RAP2B: variants seen among roughly 807,000 people sequenced by gnomAD.
RAP2B encodes the protein ras-related protein Rap-2b.
RAP2B carries 6 observed loss-of-function variants against 14.4 expected under a neutral mutation model. That is an observed-to-expected ratio of 0.42 (90% CI 0.23 to 0.82). RAP2B has a LOEUF of 0.82. Among genes scored for constraint, RAP2B ranks in the 40% least tolerant of loss-of-function variants. The probability of loss-of-function intolerance (pLI) is 0.30; values close to 1 mark genes in which losing one functional copy is unlikely to be tolerated. For missense variants in RAP2B, 137 were observed against 248.2 expected (o/e 0.55, Z 3.01); for synonymous variants, 118 against 113.2 (o/e 1.04, Z -0.27).
chr3:153,162,975 G>A lies in RAP2B; in HGVS notation c.282G>A (p.Lys94=). The change falls in exon 1 of 1, where the codon AAG becomes AAA. Residue 94 remains lysine (K), a synonymous_variant. Coordinates refer to ENST00000323534, the MANE Select transcript of RAP2B (RefSeq NM_002886.4). This position sits in a 1 kb window ranked among gnomAD's most constrained non-coding sequence, Gnocchi z 4.9. ...LVNQQSFQDI[K]PMRDQIIRVK... ...ACCAGCAGAGCTTCCAGGACATCAA[G>A]CCCATGCGGGACCAGATCATCCGCG... 8 of 1,614,164 alleles carry A rather than the reference G, an allele frequency of 5.0e-6. No individual in the cohort carries two copies. The highest frequency in any genetic ancestry group is 1.1e-5 in the South Asian group (1 of 91,082).
In RAP2B at chr3:153,162,576, TG is replaced by T; in HGVS notation, c.-115del. ...CTGCGTTCTCTGGGTTGCTCTCTCC[TG>T]GGTTTTTCCTGCGTAGCTGAGGAAG... On this transcript the variant is annotated 5_prime_UTR_variant, in exon 1 of 1. Coordinates refer to ENST00000323534, the MANE Select transcript of RAP2B (RefSeq NM_002886.4). The surrounding 1 kb of genome is among the most constrained non-coding windows in gnomAD (Gnocchi z 4.9). The T allele has an allele frequency of 8.0e-7, 1 of 1,253,618 alleles. No individual in the cohort carries two copies. Among genetic ancestry groups the T allele is most frequent in the Non-Finnish European group, 1.1e-6 (1 of 932,290 alleles). 77.7% of individuals were successfully genotyped at this position (1,253,618 alleles called of 1,614,324 possible). A position where few individuals can be genotyped will look rare whatever the true frequency, so the allele number is the denominator to read the frequency against.
chr3:153,163,081 G>A lies in RAP2B; in HGVS notation c.388G>A (p.Glu130Lys). 6.2e-7 allele frequency: 1 copy of A among 1,613,990 alleles called. No homozygotes were observed. Among genetic ancestry groups the A allele is most frequent in the East Asian group, 2.2e-5 (1 of 44,858 alleles). Reference protein sequence around the residue: ...LEGEREVSYGEGKALAEEWSC... With the variant: ...LEGEREVSYGKGKALAEEWSC... Reference sequence around the variant, plus strand: ...GGGTGAGCGCGAGGTCTCGTACGGGGAGGGCAAGGCCCTGGCTGAGGAGTG... The same window carrying A: ...GGGTGAGCGCGAGGTCTCGTACGGGAAGGGCAAGGCCCTGGCTGAGGAGTG... Residue 130 changes from glutamate to lysine, a missense_variant, in exon 1 of 1, where the codon GAG (glutamate) becomes AAG (lysine). Coordinates refer to ENST00000323534, the MANE Select transcript of RAP2B (RefSeq NM_002886.4).
In RAP2B at chr3:153,163,669, T is replaced by TC. The variant is rs1385135313; in HGVS notation, c.*424_*425insC. ...TTTTTTTTTCTATTTTCTTTCTTTT[T>TC]TTTTTTTTTTTTTTTTGGTCAACAG... On this transcript the variant is annotated 3_prime_UTR_variant, in exon 1 of 1. Transcript: ENST00000323534. 6.5e-6 allele frequency: 1 copy of TC among 154,126 alleles called. No individual in the cohort carries two copies. Among genetic ancestry groups the TC allele is most frequent in the Admixed American group, 6.8e-5 (1 of 14,714 alleles). The allele number at this position is 154,126 out of a possible 1,614,324, so 9.5% of individuals were successfully genotyped here.
In RAP2B at chr3:153,164,321, C is replaced by T. The variant is rs1713508563; in HGVS notation, c.*1076C>T. The stretch of plus-strand genomic sequence containing the variant: ...AAAACTCAGCTGTTCCAGCCGGTGC[C>T]AACCTGTGAACTTCCCACCATATCC... On this transcript the variant is annotated 3_prime_UTR_variant, in exon 1 of 1. Transcript: ENST00000323534. 1 of 167,120 alleles carries T rather than the reference C, an allele frequency of 6.0e-6. No homozygotes were observed. Among genetic ancestry groups the T allele is most frequent in the South Asian group, 2.1e-4 (1 of 4,830 alleles). The allele number at this position is 167,120 out of a possible 1,614,324, so 10.4% of individuals were successfully genotyped here.
chr3:153,162,687 C>G lies in RAP2B; in HGVS notation c.-7C>G, dbSNP rs748639435. 92 of 1,588,680 alleles carry G rather than the reference C, an allele frequency of 5.8e-5. 5 individuals carry two copies. The South Asian group carries it at 9.0e-4, about 16-fold the overall frequency. On this transcript the variant is annotated 5_prime_UTR_variant, in exon 1 of 1. Coordinates refer to ENST00000323534, the MANE Select transcript of RAP2B (RefSeq NM_002886.4). This position sits in a 1 kb window ranked among gnomAD's most constrained non-coding sequence, Gnocchi z 4.9. ...GCGGCAGGCGCGGCGAGAGCGCTGA[C>G]GGAGCCATGAGAGAGTACAAAGTGG...
chr3:153,167,678 G>C lies in RAP2B; in HGVS notation c.*4433G>C, dbSNP rs1713616562. On this transcript the variant is annotated 3_prime_UTR_variant, in exon 1 of 1. Coordinates refer to ENST00000323534, the MANE Select transcript of RAP2B (RefSeq NM_002886.4). ...ACCATTTATACTAAGACTAACTGTTGTGTGTGAAATAGAATAAACATTGCA... is the reference window on the plus strand; with the variant it reads ...ACCATTTATACTAAGACTAACTGTTCTGTGTGAAATAGAATAAACATTGCA... 1 of 167,048 alleles carries C rather than the reference G, an allele frequency of 6.0e-6. No homozygotes were observed. The highest frequency in any genetic ancestry group is 1.5e-5 in the Non-Finnish European group (1 of 68,100). The allele number at this position is 167,048 out of a possible 1,614,324, so 10.3% of individuals were successfully genotyped here.
chr3:153,163,401 C>A lies in RAP2B; in HGVS notation c.*156C>A. ...TGGCCTCCGCGGCCGGCGTCCCCTG[C>A]CTCCACCCTGTGCCCGAGGGGGTGT... On this transcript the variant is annotated 3_prime_UTR_variant, in exon 1 of 1. Transcript: ENST00000323534. 9.6e-7 allele frequency: 1 copy of A among 1,036,366 alleles called. No individual in the cohort carries two copies. Among genetic ancestry groups the A allele is most frequent in the Non-Finnish European group, 1.4e-6 (1 of 723,908 alleles). 64.2% of individuals were successfully genotyped at this position (1,036,366 alleles called of 1,614,324 possible).
chr3:153,166,418 G>A lies in RAP2B; in HGVS notation c.*3173G>A, dbSNP rs1713578536. 6.0e-6 allele frequency: 1 copy of A among 167,056 alleles called. No individual in the cohort carries two copies. The highest frequency in any genetic ancestry group is 2.4e-5 in the African/African-American group (1 of 41,452). 10.3% of individuals were successfully genotyped at this position (167,056 alleles called of 1,614,324 possible). ...AGTTAGTGTTAAAGGAAGTGAGTCA[G>A]GGAGGGCGGAGTTTGTTGTAAGGCA... On this transcript the variant is annotated 3_prime_UTR_variant, in exon 1 of 1. Transcript: ENST00000323534.
rs1424220268 is a variant in RAP2B at position 153,165,996 on chromosome 3, A to G, written c.*2751A>G. 2 of 167,032 alleles carry G rather than the reference A, an allele frequency of 1.2e-5. No individual in the cohort carries two copies. The highest frequency in any genetic ancestry group is 2.9e-5 in the Non-Finnish European group (2 of 68,090). The allele number at this position is 167,032 out of a possible 1,614,324, so 10.3% of individuals were successfully genotyped here. A position where few individuals can be genotyped will look rare whatever the true frequency, so the allele number is the denominator to read the frequency against. On this transcript the variant is annotated 3_prime_UTR_variant, in exon 1 of 1. Coordinates refer to ENST00000323534, the MANE Select transcript of RAP2B (RefSeq NM_002886.4). The stretch of plus-strand genomic sequence containing the variant: ...TGACATAAAATGCTGCCAAGTATCT[A>G]AGAAATGTATATACTGACAGAAGAT...
At position 153,162,972 on chromosome 3, in the gene RAP2B, C is replaced by T; in HGVS notation, c.279C>T (p.Ile93=). ...TCAACCAGCAGAGCTTCCAGGACAT[C>T]AAGCCCATGCGGGACCAGATCATCC... ...SLVNQQSFQD[I]KPMRDQIIRV... Residue 93 remains isoleucine (I), a synonymous_variant, in exon 1 of 1, where the codon ATC becomes ATT. Transcript: ENST00000323534. This position sits in a 1 kb window ranked among gnomAD's most constrained non-coding sequence, Gnocchi z 4.9. The T allele has an allele frequency of 1.2e-6, 2 of 1,614,200 alleles. No individual in the cohort carries two copies. Among genetic ancestry groups the T allele is most frequent in the Non-Finnish European group, 8.5e-7 (1 of 1,180,038 alleles).
Position 153,162,822 on chromosome 3 carries a change from G to T in RAP2B, c.129G>T (p.Glu43Asp), listed in dbSNP as rs749886827. ...DPTIEDFYRK[E>D]IEVDSSPSVL... The stretch of plus-strand genomic sequence containing the variant: ...CCATCGAAGACTTTTACCGCAAGGA[G>T]ATTGAGGTGGACTCGTCGCCGTCGG... Residue 43 changes from glutamate (E) to aspartate (D), a missense_variant, in exon 1 of 1, where the codon GAG (glutamate) becomes GAT (aspartate). Physicochemically the swap from Glu to Asp is conservative, Grantham distance 45. Coordinates refer to ENST00000323534, the MANE Select transcript of RAP2B (RefSeq NM_002886.4). This position sits in a 1 kb window ranked among gnomAD's most constrained non-coding sequence, Gnocchi z 4.9. 1 of 1,614,200 alleles carries T rather than the reference G, an allele frequency of 6.2e-7. No individual in the cohort carries two copies.
chr3:153,163,007 G>C lies in RAP2B; in HGVS notation c.314G>C (p.Arg105Pro). The change falls in exon 1 of 1, where the codon CGG becomes CCG. Residue 105 changes from arginine to proline, a missense_variant. Arg to Pro is a moderately radical substitution (Grantham distance 103, BLOSUM62 -2). Around this residue, in one of 2 missense-constraint regions of RAP2B, gnomAD observed 106 missense variants for 143.5 expected, o/e 0.74. Transcript: ENST00000323534. ...PMRDQIIRVK[R>P]YERVPMILVG... ...CGGGACCAGATCATCCGCGTGAAGC[G>C]GTACGAGCGCGTGCCCATGATCCTG... 6.2e-7 allele frequency: 1 copy of C among 1,614,164 alleles called. No individual in the cohort carries two copies. Among genetic ancestry groups the C allele is most frequent in the South Asian group, 1.1e-5 (1 of 91,088 alleles).
rs1713616919 is a variant in RAP2B, at chr3:153,167,697, C to T, written c.*4452C>T. ...ACTGTTGTGTGTGAAATAGAATAAA[C>T]ATTGCAGGTAGTTTTTGATCATTTT... On this transcript the variant is annotated 3_prime_UTR_variant, in exon 1 of 1. Coordinates refer to ENST00000323534, the MANE Select transcript of RAP2B (RefSeq NM_002886.4). 6.0e-6 allele frequency: 1 copy of T among 167,030 alleles called. No individual in the cohort carries two copies. Among genetic ancestry groups the T allele is most frequent in the South Asian group, 2.1e-4 (1 of 4,830 alleles). The allele number at this position is 167,030 out of a possible 1,614,324, so 10.3% of individuals were successfully genotyped here.
chr3:153,162,896 G>A lies in RAP2B; in HGVS notation c.203G>A (p.Arg68Gln), dbSNP rs1404236962. The A allele has an allele frequency of 6.2e-7, 1 of 1,614,034 alleles. No individual in the cohort carries two copies. The highest frequency in any genetic ancestry group is 8.5e-7 in the Non-Finnish European group (1 of 1,180,014). Residue 68 changes from arginine to glutamine, a missense_variant, in exon 1 of 1, where the codon CGG becomes CAG. By Grantham distance (43) the Arg-to-Gln change is conservative (BLOSUM62 1). Around this residue, in one of 2 missense-constraint regions of RAP2B, gnomAD observed 31 missense variants for 104.7 expected, o/e 0.30. Coordinates refer to ENST00000323534, the MANE Select transcript of RAP2B (RefSeq NM_002886.4). The surrounding 1 kb of genome is among the most constrained non-coding windows in gnomAD (Gnocchi z 4.9). ...GGCACCGAGCAGTTCGCGTCCATGC[G>A]GGACCTGTACATCAAGAACGGCCAG... is the stretch of plus-strand genomic sequence containing the variant. ...TAGTEQFASM[R>Q]DLYIKNGQGF...
In RAP2B at chr3:153,162,507, C is replaced by T. The variant is rs1713431436; in HGVS notation, c.-187C>T. On this transcript the variant is annotated 5_prime_UTR_variant, in exon 1 of 1. Coordinates refer to ENST00000323534, the MANE Select transcript of RAP2B (RefSeq NM_002886.4). This position sits in a 1 kb window ranked among gnomAD's most constrained non-coding sequence, Gnocchi z 4.9. ...CACCCCAGGGATACGCTGCCGCCGC[C>T]GCCGGCCGGCCCGGCGCCCGGCCTC... is the stretch of plus-strand genomic sequence containing the variant. The T allele has an allele frequency of 4.8e-6, 3 of 622,954 alleles. No homozygotes were observed. The highest frequency in any genetic ancestry group is 7.5e-6 in the Non-Finnish European group (3 of 400,312). The allele number at this position is 622,954 out of a possible 1,614,324, so 38.6% of individuals were successfully genotyped here. A position where few individuals can be genotyped will look rare whatever the true frequency, so the allele number is the denominator to read the frequency against.
At position 153,162,401 on chromosome 3, in the gene RAP2B, G is replaced by A. The variant is rs1713425462; in HGVS notation, c.-293G>A. 1 of 225,448 alleles carries A rather than the reference G, an allele frequency of 4.4e-6. No individual in the cohort carries two copies. Among genetic ancestry groups the A allele is most frequent in the Non-Finnish European group, 8.6e-6 (1 of 116,432 alleles). The allele number at this position is 225,448 out of a possible 1,614,324, so 14.0% of individuals were successfully genotyped here. ...AGCTAGGAGCTCCAGCCGTCGCCTC[G>A]CGCAGGCTGCGGGCATTGTCCTCTC... On this transcript the variant is annotated 5_prime_UTR_variant, in exon 1 of 1. Coordinates refer to ENST00000323534, the MANE Select transcript of RAP2B (RefSeq NM_002886.4). The surrounding 1 kb of genome is among the most constrained non-coding windows in gnomAD (Gnocchi z 4.9).
Position 153,163,171 on chromosome 3 carries a change from A to G in RAP2B, c.478A>G (p.Ile160Val). The change falls in exon 1 of 1, where the codon ATC (isoleucine) becomes GTC (valine). Residue 160 changes from isoleucine (I) to valine (V), a missense_variant. Coordinates refer to ENST00000323534, the MANE Select transcript of RAP2B (RefSeq NM_002886.4). Reference sequence around the variant, plus strand: ...CTCGGTAGACGAGCTATTTGCCGAGATCGTGCGGCAGATGAACTACGCGGC... The same window carrying G: ...CTCGGTAGACGAGCTATTTGCCGAGGTCGTGCGGCAGATGAACTACGCGGC... ...KASVDELFAE[I>V]VRQMNYAAQP... 1 of 1,607,552 alleles carries G rather than the reference A, an allele frequency of 6.2e-7. No homozygotes were observed. The highest frequency in any genetic ancestry group is 8.5e-7 in the Non-Finnish European group (1 of 1,177,554).
chr3:153,169,609 C>T lies in RAP2B; in HGVS notation c.*6364C>T, dbSNP rs1713676338. 6.6e-6 allele frequency: 1 copy of T among 152,320 alleles called. No individual in the cohort carries two copies. The highest frequency in any genetic ancestry group is 1.5e-5 in the Non-Finnish European group (1 of 68,172). 9.4% of individuals were successfully genotyped at this position (152,320 alleles called of 1,614,324 possible). On this transcript the variant is annotated 3_prime_UTR_variant, in exon 1 of 1. Coordinates refer to ENST00000323534, the MANE Select transcript of RAP2B (RefSeq NM_002886.4). ...TACAGGCGTGCACCACCACGCCCGC[C>T]TAATTTTTGTATTTTTAGTAGAGAT... is the stretch of plus-strand genomic sequence containing the variant.
In RAP2B at chr3:153,163,337, G is replaced by C; in HGVS notation, c.*92G>C. ...ATTTATTTCTTGCTTTGAGATTGGAGACCACTTTGCATTGGCCAGGGTGTC... is the reference window on the plus strand; with the variant it reads ...ATTTATTTCTTGCTTTGAGATTGGACACCACTTTGCATTGGCCAGGGTGTC... On this transcript the variant is annotated 3_prime_UTR_variant, in exon 1 of 1. Transcript: ENST00000323534. 6.9e-7 allele frequency: 1 copy of C among 1,448,902 alleles called. No homozygotes were observed. The allele number at this position is 1,448,902 out of a possible 1,614,324, so 89.8% of individuals were successfully genotyped here.
Sources: allele counts gnomAD v4.1 joint callset, GRCh38; gene constraint gnomAD v4.1.1; regional missense constraint gnomAD v4.1.1; non-coding constraint Gnocchi (gnomAD v3.1); transcripts MANE v1.5; gene names NCBI Gene and HGNC (gene_info 2026-07-23, HGNC 2026-07-21).